The following BBS9 variants were observed in gnomAD, a reference collection of about 807,000 sequenced individuals.
BBS9 encodes protein PTHB1.
Under a neutral mutation model 117.7 loss-of-function variants are expected in BBS9, and 89 were observed. The ratio of observed to expected loss-of-function variants is 0.76; its 90% confidence interval spans 0.64 to 0.90. BBS9 has a LOEUF of 0.90. BBS9 is among the 40% of genes least tolerant of loss of function. The pLI is 0.00. For synonymous variants in BBS9, 379 were observed against 370.9 expected (o/e 1.02, Z -0.25); for missense variants, 982 against 1,042.2 (o/e 0.94, Z 0.80).
intron 9 of BBS9, among the ~76,000 whole-genome samples, chr7:33,330,181 A>G (rs2128607940): frequency 6.6e-6 from 1 of 151,814 alleles, no homozygotes; most frequent in African/African-American, 2.4e-5. Context: ...ACCCGGCTAA[A>G]TTTTTTGTAT....
chr7:33,330,213 C>G (rs1307588442), intron 9 of BBS9, among the ~76,000 whole-genome samples: 4 of 151,978 alleles, frequency 2.6e-5, no homozygotes, highest in Non-Finnish European at 5.9e-5. Flanking sequence ...TGGGGTTTTA[C>G]CGTGTTGCCC....
chr7:33,415,908 C>T (rs1014507877), intron 19 of BBS9, among the ~76,000 whole-genome samples: 5 of 152,084 alleles, frequency 3.3e-5, no homozygotes, highest in South Asian at 2.1e-4. Flanking sequence ...AATCTTGGCT[C>T]GCTGCAGCCT....
intron 9 of BBS9, among the ~76,000 whole-genome samples, chr7:33,326,517 C>T (rs945120396): frequency 6.6e-6 from 1 of 152,066 alleles, no homozygotes; most frequent in Admixed American, 6.5e-5. Context: ...AGACAAAGTC[C>T]CCTTTACTCT....
At chr7:33,500,537 G>A (rs1024619394) in intron 19 of BBS9, among the ~76,000 whole-genome samples, 1 of 152,138 alleles carries the variant, frequency 6.6e-6, no homozygotes, top group Admixed American at 6.5e-5. Flanking sequence ...CTATCTCAGA[G>A]GGTTGTCATG....
At chr7:33,387,214 C>T (rs1002738333) in intron 18 of BBS9, among the ~76,000 whole-genome samples, 1 of 152,064 alleles carries the variant, frequency 6.6e-6, no homozygotes, top group African/African-American at 2.4e-5. Context: ...TTACTTTTGG[C>T]AAGCATATCT....
chr7:33,606,485 G>A (rs1160800412), downstream of BBS9, among the ~76,000 whole-genome samples: 1 of 152,152 alleles, frequency 6.6e-6, no homozygotes, highest in East Asian at 1.9e-4. Flanking sequence ...CATGCATTAA[G>A]GGTTTTGTTG....
chr7:33,545,875 A>T (rs963514546), intron 21 of BBS9, among the ~76,000 whole-genome samples: 1 of 140,092 alleles, frequency 7.1e-6, no homozygotes, highest in Non-Finnish European at 1.5e-5. Flanking sequence ...ATATGTGTAC[A>T]TTCTGTTTTA....
intron 19 of BBS9, among the ~76,000 whole-genome samples, chr7:33,471,751 A>C (rs189865707): frequency 1.5e-3 from 223 of 152,352 alleles, no homozygotes; most frequent in African/African-American, 5.1e-3. Flanking sequence ...GGTTCTTGCC[A>C]AATTTGTAAA....
chr7:33,309,766 G>A lies in BBS9; in HGVS notation c.1017-26675G>A, dbSNP rs149672522. Among the ~76,000 whole-genome samples, 257 of 152,246 alleles carry A rather than the reference G, an allele frequency of 1.7e-3. 1 individual carries two copies. Among genetic ancestry groups the A allele is most frequent in the African/African-American group, 5.8e-3 (243 of 41,552 alleles). ...CAAGTGGAAATACTTAGAAGGATCC[G>A]GCCATGTGGTATTGGAGGTTACAGA... On this transcript the variant is annotated intron_variant, in intron 9 of 22. Coordinates refer to ENST00000242067, the MANE Select transcript of BBS9 (RefSeq NM_198428.3).
intron 20 of BBS9, among the ~76,000 whole-genome samples, chr7:33,527,423 G>T (rs1441193113): frequency 6.6e-6 from 1 of 152,146 alleles, no homozygotes; most frequent in African/African-American, 2.4e-5. Flanking sequence ...AGGACCCTCC[G>T]AGCCAGGTGT....
intron 9 of BBS9, among the ~76,000 whole-genome samples, chr7:33,284,350 T>A (rs1316019639): frequency 6.6e-6 from 1 of 152,230 alleles, no homozygotes; most frequent in East Asian, 1.9e-4. Context: ...TTATCTTTGA[T>A]TAGAATTCAA....
chr7:33,491,885 G>A (rs532708763), intron 19 of BBS9, among the ~76,000 whole-genome samples: 1 of 151,934 alleles, frequency 6.6e-6, no homozygotes, highest in Non-Finnish European at 1.5e-5. Context: ...GACATTTTTT[G>A]AATTTTATTT....
At chr7:33,496,006 G>A (rs774341824) in intron 19 of BBS9, among the ~76,000 whole-genome samples, 3 of 152,124 alleles carry the variant, frequency 2.0e-5, no homozygotes, top group Non-Finnish European at 4.4e-5. Context: ...TGGTGTCCGG[G>A]ATAATTGTAA....
Position 33,344,727 on chromosome 7 carries a change from A to G in BBS9, c.1329+93A>G, listed in dbSNP as rs1817281742. ...TGAGAACTTGTAAGTAGCTTACAGA[A>G]ATGTAAAATAAACACTTGGCATTTG... On this transcript the variant is annotated intron_variant, in intron 12 of 22. Transcript: ENST00000242067. 6 of 1,288,330 alleles carry G rather than the reference A, an allele frequency of 4.7e-6. No individual in the cohort carries two copies. In the Admixed American group the frequency reaches 1.0e-4, roughly 22 times the overall value. 79.8% of individuals were successfully genotyped at this position (1,288,330 alleles called of 1,614,324 possible).
intron 20 of BBS9, among the ~76,000 whole-genome samples, chr7:33,533,072 C>A (rs1585155935): frequency 1.3e-5 from 2 of 152,264 alleles, no homozygotes; most frequent in East Asian, 3.9e-4. Flanking sequence ...TCCTGGGAGC[C>A]TCTGGGGATG....
chr7:33,145,588 C>T (rs185128464), intron 1 of BBS9, among the ~76,000 whole-genome samples: 80 of 152,266 alleles, frequency 5.3e-4, no homozygotes, highest in African/African-American at 1.8e-3. Flanking sequence ...CTATAGCATA[C>T]CAGTTCCAGG....
At chr7:33,165,792 C>G (rs1011988860) in intron 4 of BBS9, among the ~76,000 whole-genome samples, 1 of 152,128 alleles carries the variant, frequency 6.6e-6, no homozygotes, top group African/African-American at 2.4e-5. Context: ...CCTCCTTTAG[C>G]TTGGAGAAGT....
intron 5 of BBS9, chr7:33,177,860 A>C (rs1797558296): frequency 1.4e-5 from 5 of 365,372 alleles, no homozygotes; most frequent in South Asian, 3.6e-5. Flanking sequence ...ATAAAAAAAA[A>C]CCTTTAAACA....
At chr7:33,522,001 G>T (rs1405679927) in intron 20 of BBS9, among the ~76,000 whole-genome samples, 2 of 149,186 alleles carry the variant, frequency 1.3e-5, no homozygotes, top group South Asian at 2.1e-4. Context: ...GCGGTGTTTG[G>T]TTTTTTGTTC....
Sources: allele counts gnomAD v4.1 joint callset (sites outside exome capture counted in the v4.1 genomes callset), GRCh38; gene constraint gnomAD v4.1.1; transcripts MANE v1.5; gene names NCBI Gene and HGNC (gene_info 2026-07-23, HGNC 2026-07-21).